FAP: variants seen among roughly 807,000 people sequenced by gnomAD.
The protein encoded by FAP is fibroblast activation protein alpha.
In FAP, 110 loss-of-function variants were observed where a neutral mutation model predicts 126.5. The observed-to-expected ratio is 0.87, with a 90% confidence interval of 0.74 to 1.02. The LOEUF (loss-of-function observed/expected upper bound fraction) is 1.02, where lower values mean the gene tolerates loss of function less well. Among genes scored for constraint, FAP ranks in the 50% least tolerant of loss-of-function variants. The pLI is 0.00. For synonymous variants in FAP, 334 were observed against 297.3 expected (o/e 1.12, Z -1.27); for missense variants, 919 against 909.2 (o/e 1.01, Z -0.14).
intron 21 of FAP, among the ~76,000 whole-genome samples, chr2:162,181,929 G>A (rs969614697): frequency 1.3e-5 from 2 of 152,164 alleles, no homozygotes; most frequent in Non-Finnish European, 2.9e-5. Context: ...AGTTCCTTCT[G>A]CTCAGATGTT....
chr2:162,207,087 A>G (rs529639133), intron 12 of FAP, among the ~76,000 whole-genome samples: 31 of 152,220 alleles, frequency 2.0e-4, no homozygotes, highest in Non-Finnish European at 3.8e-4. Context: ...TGAATGTCTG[A>G]AATACATACA....
intron 21 of FAP, 30 bp downstream of exon 21, chr2:162,183,383 TA>T: frequency 6.6e-7 from 1 of 1,518,764 alleles, no homozygotes; most frequent in Non-Finnish European, 9.1e-7. Context: ...CTGAACTGAA[TA>T]ACAGGCATAA....
chr2:162,221,629 C>T (rs2106280135), intron 6 of FAP: 1 of 456,106 alleles, frequency 2.2e-6, no homozygotes, highest in Non-Finnish European at 4.4e-6. Flanking sequence ...TTTCTACATA[C>T]AGTGGAATTA....
chr2:162,198,678 C>T (rs1239510397), intron 16 of FAP, 79 bp downstream of exon 16: 81 of 1,504,462 alleles, frequency 5.4e-5, no homozygotes, highest in African/African-American at 1.4e-4. Context: ...ACTGTAGCTA[C>T]GAATTGATCA....
At chr2:162,229,454 G>T (rs1002964875) in intron 2 of FAP, among the ~76,000 whole-genome samples, 1 of 152,062 alleles carries the variant, frequency 6.6e-6, no homozygotes, top group African/African-American at 2.4e-5. Flanking sequence ...ATACAATTGA[G>T]CTTTACTTTT....
intron 16 of FAP, chr2:162,198,383 C>A (rs1164268285): frequency 7.9e-7 from 1 of 1,268,740 alleles, no homozygotes; most frequent in Non-Finnish European, 1.0e-6. Flanking sequence ...TCTTTTTCTG[C>A]GATTGCTCAG....
intron 11 of FAP, among the ~76,000 whole-genome samples, chr2:162,212,129 G>A (rs913430532): frequency 1.3e-5 from 2 of 152,156 alleles, no homozygotes; most frequent in Non-Finnish European, 2.9e-5. Flanking sequence ...ACACCTCATT[G>A]AATGAGCATC....
At chr2:162,192,805 C>T (rs1387533396) in intron 17 of FAP, among the ~76,000 whole-genome samples, 1 of 152,120 alleles carries the variant, frequency 6.6e-6, no homozygotes, top group African/African-American at 2.4e-5. Context: ...TAGTATCAAG[C>T]CAATCATCCA....
At chr2:162,179,686 G>A (rs1315932384) in intron 21 of FAP, among the ~76,000 whole-genome samples, 1 of 151,782 alleles carries the variant, frequency 6.6e-6, no homozygotes, top group Non-Finnish European at 1.5e-5. Flanking sequence ...GAAAAGGTGG[G>A]GAATGGAAGA....
chr2:162,197,447 T>G lies in FAP; in HGVS notation c.1402+1310A>C, dbSNP rs935368598. On this transcript the variant is annotated intron_variant, in intron 16 of 25. Coordinates refer to ENST00000188790, the MANE Select transcript of FAP (RefSeq NM_004460.5). The stretch of plus-strand genomic sequence containing the variant: ...TGTTGCATATAACTTGAGAGGGACA[T>G]TTAATGTATACCTTTAAATGCCAGT... The G allele has an allele frequency of 3.4e-5, 14 of 413,872 alleles. No individual in the cohort carries two copies. In the Middle Eastern group the frequency reaches 4.5e-3, roughly 132 times the overall value. The allele number at this position is 413,872 out of a possible 1,614,324, so 25.6% of individuals were successfully genotyped here.
chr2:162,187,572 T>C (rs191700684), intron 20 of FAP, among the ~76,000 whole-genome samples: 169 of 152,206 alleles, frequency 1.1e-3, no homozygotes, highest in African/African-American at 3.7e-3. Context: ...GTTGAAAATA[T>C]ATATAGTTGA....
rs1023016198 is a variant in FAP at position 162,193,186 on chromosome 2, A to G, written c.1450+1515T>C. Among the ~76,000 whole-genome samples, 5 of 152,316 alleles carry G rather than the reference A, an allele frequency of 3.3e-5. No individual in the cohort carries two copies. The East Asian group carries it at 9.6e-4, about 29-fold the overall frequency. ...AATAAGAGACACAGCATCTGCTCCA[A>G]AACAGCAGCTGAACATTTACTATTA... On this transcript the variant is annotated intron_variant, in intron 17 of 25. Coordinates refer to ENST00000188790, the MANE Select transcript of FAP (RefSeq NM_004460.5).
At chr2:162,192,641 G>C (rs1032655787) in intron 17 of FAP, among the ~76,000 whole-genome samples, 1 of 152,038 alleles carries the variant, frequency 6.6e-6, no homozygotes, top group Admixed American at 6.6e-5. Flanking sequence ...AGTCCAAACT[G>C]ATCTTCTGGC....
intron 11 of FAP, among the ~76,000 whole-genome samples, chr2:162,210,791 A>G (rs1688900631): frequency 6.6e-6 from 1 of 152,174 alleles, no homozygotes; most frequent in Admixed American, 6.5e-5. Flanking sequence ...CTGGAAGGCT[A>G]TTATAATGTT....
intron 25 of FAP, 168 bp from the exon 26 acceptor site, chr2:162,171,248 G>A (rs890756434): frequency 1.8e-6 from 1 of 561,854 alleles, no homozygotes; most frequent in African/African-American, 1.9e-5. Context: ...ACAGCAGGAA[G>A]AGCTTTCGTT....
In FAP at chr2:162,170,929, G is replaced by T. The variant is rs758887453; in HGVS notation, c.*50C>A. ...ATAAAATAAGCAAACTGTCTGAGGGGTTTATATAAGGTTTTCAGATTCTGA... is the reference window on the plus strand; with the variant it reads ...ATAAAATAAGCAAACTGTCTGAGGGTTTTATATAAGGTTTTCAGATTCTGA... On this transcript the variant is annotated 3_prime_UTR_variant, in exon 26 of 26. Transcript: ENST00000188790. 5 of 1,360,296 alleles carry T rather than the reference G, an allele frequency of 3.7e-6. No individual in the cohort carries two copies. The highest frequency in any genetic ancestry group is 1.2e-5 in the South Asian group (1 of 84,594). 84.3% of individuals were successfully genotyped at this position (1,360,296 alleles called of 1,614,324 possible). A position where few individuals can be genotyped will look rare whatever the true frequency, so the allele number is the denominator to read the frequency against.
chr2:162,207,629 A>G (rs892338950), intron 12 of FAP, among the ~76,000 whole-genome samples: 1 of 151,680 alleles, frequency 6.6e-6, no homozygotes, highest in African/African-American at 2.4e-5. Flanking sequence ...GCGGTGGCTC[A>G]TGCCATTTAG....
At chr2:162,223,524 T>C (rs532105391) in intron 6 of FAP, 84 bp downstream of exon 6, 3 of 869,752 alleles carry the variant, frequency 3.4e-6, no homozygotes, top group Non-Finnish European at 5.7e-6. Flanking sequence ...GAAGATAAAG[T>C]CTTCTTAACC....
chr2:162,189,595 TAA>T, intron 18 of FAP, 59 bp downstream of exon 18: 1 of 927,946 alleles, frequency 1.1e-6, no homozygotes. Flanking sequence ...TATGCTTTTT[TAA>T]AAGCAAGAAA....
Sources: gnomAD v4.1 joint callset for allele counts (sites outside exome capture counted in the v4.1 genomes callset) on GRCh38, gnomAD v4.1.1 for gene constraint, MANE v1.5 for transcripts, NCBI Gene and HGNC (gene_info 2026-07-23, HGNC 2026-07-21) for gene names.